Variants in GCNT1 observed in about 807,000 individuals in gnomAD.
The protein encoded by GCNT1 is glucosaminyl (N-acetyl) transferase 1.
In GCNT1, 16 loss-of-function variants were observed where a neutral mutation model predicts 26.2. The ratio of observed to expected loss-of-function variants is 0.61; its 90% CI spans 0.41 to 0.93. GCNT1 has a LOEUF of 0.93. Among genes scored for constraint, GCNT1 ranks in the 40% least tolerant of loss-of-function variants. The pLI is 0.00. For missense variants in GCNT1, 477 were observed against 526.7 expected, an observed-to-expected ratio of 0.91 and a Z score of 0.92; for synonymous variants, 183 against 190.8, an observed-to-expected ratio of 0.96 and a Z score of 0.34.
the GCNT1 span, among the ~76,000 whole-genome samples, chr9:76,396,237 T>A: frequency 4.6e-5 from 7 of 152,184 alleles, no homozygotes; most frequent in Admixed American, 4.6e-4. Flanking sequence ...ATGCTAAGTA[T>A]TTTTCACACT....
chr9:76,483,276 C>T (rs1160374846), intron 2 of GCNT1, among the ~76,000 whole-genome samples: 1 of 152,118 alleles, frequency 6.6e-6, no homozygotes, highest in Admixed American at 6.5e-5. Context: ...TACTGCATAG[C>T]CCTGAAGTTA....
the GCNT1 span, among the ~76,000 whole-genome samples, chr9:76,413,740 G>T: frequency 7.1e-6 from 1 of 140,036 alleles, no homozygotes; most frequent in Non-Finnish European, 1.5e-5. Flanking sequence ...TTTGATGTCT[G>T]ACATTAATTT....
chr9:76,478,906 G>A (rs897619204), intron 2 of GCNT1, among the ~76,000 whole-genome samples: 19 of 152,080 alleles, frequency 1.2e-4, no homozygotes, highest in Non-Finnish European at 2.9e-5. Context: ...TGTGCACAAT[G>A]TGCAGGTTTG....
intron 1 of GCNT1, among the ~76,000 whole-genome samples, chr9:76,429,036 G>A (rs935227408): frequency 6.6e-6 from 1 of 152,056 alleles, no homozygotes; most frequent in African/African-American, 2.4e-5. Context: ...TTTAGGCTCA[G>A]GGATACATGT....
intron 2 of GCNT1, among the ~76,000 whole-genome samples, chr9:76,493,454 A>G (rs664832): frequency 0.31 from 47,025 of 151,984 alleles, 7,632 homozygotes; most frequent in Middle Eastern, 0.49. Flanking sequence ...CAGGACATCT[A>G]TATACCTATC....
At chr9:76,432,104 G>C (rs1452901310) in intron 1 of GCNT1, among the ~76,000 whole-genome samples, 1 of 151,986 alleles carries the variant, frequency 6.6e-6, no homozygotes, top group Non-Finnish European at 1.5e-5. Flanking sequence ...GCAAAATTCT[G>C]TCTCAAGAAA....
intron 1 of GCNT1, among the ~76,000 whole-genome samples, chr9:76,426,198 GC>G (rs1404529724): frequency 6.6e-6 from 1 of 152,114 alleles, no homozygotes; most frequent in Non-Finnish European, 1.5e-5. Flanking sequence ...AGTTCGTCCT[GC>G]GCTCAGGAAT....
intron 2 of GCNT1, among the ~76,000 whole-genome samples, chr9:76,469,726 G>T: frequency 1.3e-5 from 2 of 152,196 alleles, no homozygotes; most frequent in East Asian, 3.8e-4. Context: ...TCCCGATCGG[G>T]CTAAAGGCTT....
At chr9:76,494,194 A>G (rs587111) in intron 2 of GCNT1, among the ~76,000 whole-genome samples, 91,470 of 152,024 alleles carry the variant, frequency 0.6, 28,114 homozygotes, top group African/African-American at 0.72. Flanking sequence ...GAGGAAGGTC[A>G]GATTTAGTGG....
the GCNT1 span, among the ~76,000 whole-genome samples, chr9:76,411,053 C>T: frequency 6.6e-6 from 1 of 152,178 alleles, no homozygotes; most frequent in East Asian, 1.9e-4. Flanking sequence ...CTTTCTCCAT[C>T]CCTTTACTTT....
chr9:76,453,263 T>A (rs1200584143), intron 1 of GCNT1, among the ~76,000 whole-genome samples: 1 of 150,834 alleles, frequency 6.6e-6, no homozygotes, highest in Non-Finnish European at 1.5e-5. Flanking sequence ...GGAGCTGGAG[T>A]GGGTAGGAAA....
At chr9:76,487,420 C>A (rs926500250) in intron 2 of GCNT1, among the ~76,000 whole-genome samples, 1 of 152,218 alleles carries the variant, frequency 6.6e-6, no homozygotes, top group African/African-American at 2.4e-5. Flanking sequence ...GACTAGAAGC[C>A]AACTGAACTT....
At chr9:76,413,659 T>TTTTTTTG in the GCNT1 span, among the ~76,000 whole-genome samples, 93 of 105,302 alleles carry the variant, frequency 8.8e-4, no homozygotes, top group African/African-American at 1.3e-3. Context: ...TTTTGTTTTT[T>TTTTTTTG]TTTTTTTTGT....
intron 1 of GCNT1, among the ~76,000 whole-genome samples, chr9:76,433,565 T>C (rs1325166147): frequency 2.0e-5 from 3 of 152,124 alleles, no homozygotes; most frequent in African/African-American, 7.2e-5. Flanking sequence ...AGCCAGACCC[T>C]GGACTCACTT....
At chr9:76,479,101 T>C (rs1824342234) in intron 2 of GCNT1, among the ~76,000 whole-genome samples, 2 of 151,772 alleles carry the variant, frequency 1.3e-5, no homozygotes, top group South Asian at 4.2e-4. Flanking sequence ...AGTGAGAACA[T>C]GCGATGTTTG....
chr9:76,458,503 G>A (rs1281638557), upstream of GCNT1, among the ~76,000 whole-genome samples: 1 of 151,574 alleles, frequency 6.6e-6, no homozygotes, highest in East Asian at 1.9e-4. Context: ...TAAACAACAT[G>A]GAAACAAATA....
intron 2 of GCNT1, among the ~76,000 whole-genome samples, chr9:76,485,917 G>A (rs1428586937): frequency 6.6e-6 from 1 of 152,162 alleles, no homozygotes; most frequent in Admixed American, 6.5e-5. Context: ...ATTTTCAGTA[G>A]AGATGAGGTT....
At chr9:76,490,568 AACTTT>A (rs1424255026) in intron 2 of GCNT1, among the ~76,000 whole-genome samples, 9 of 152,348 alleles carry the variant, frequency 5.9e-5, no homozygotes, top group Admixed American at 3.3e-4. Context: ...ACGTTTAGCG[AACTTT>A]ACTTTTGTTG....
intron 2 of GCNT1, among the ~76,000 whole-genome samples, chr9:76,482,039 G>A (rs1239457077): frequency 6.6e-6 from 1 of 152,168 alleles, no homozygotes; most frequent in Non-Finnish European, 1.5e-5. Context: ...TTGTCAGTAA[G>A]AAGGTTTGCC....
Sources: gnomAD v4.1 joint callset for allele counts (sites outside exome capture counted in the v4.1 genomes callset) on GRCh38, gnomAD v4.1.1 for gene constraint, MANE v1.5 for transcripts, NCBI Gene and HGNC (gene_info 2026-07-23, HGNC 2026-07-21) for gene names.